The following ALG11 variants were observed in gnomAD, a reference collection of about 807,000 sequenced individuals.
The protein encoded by ALG11 is ALG11 alpha-1,2-mannosyltransferase, also known as GDP-Man:Man(3)GlcNAc(2)-PP-Dol alpha-1,2-mannosyltransferase.
A neutral mutation model predicts 38.8 loss-of-function variants in ALG11; 26 were observed. The ratio of observed to expected loss-of-function variants is 0.67; its 90% confidence interval spans 0.49 to 0.93. The LOEUF (loss-of-function observed/expected upper bound fraction) is 0.93, where lower values mean the gene tolerates loss of function less well. Among genes scored for constraint, ALG11 ranks in the 40% least tolerant of loss-of-function variants. The pLI is 0.00. For synonymous variants in ALG11, 199 were observed against 211.6 expected (o/e 0.94, Z 0.52); for missense variants, 535 against 578.8 (o/e 0.92, Z 0.78).
rs1954268834 is a variant in ALG11, at chr13:52,028,903, G to A, written c.*313G>A. 2 of 1,614,090 alleles carry A rather than the reference G, an allele frequency of 1.2e-6. No individual in the cohort carries two copies. Among genetic ancestry groups the A allele is most frequent in the African/African-American group, 1.3e-5 (1 of 74,934 alleles). ...ACCCCTTGAGTGAAAATGAAGATGA[G>A]GGGGACAGTGATGGAGAGAGAAAGC... On this transcript the variant is annotated 3_prime_UTR_variant, in exon 4 of 4. Transcript: ENST00000521508.
intron 3 of ALG11, among the ~76,000 whole-genome samples, chr13:52,027,176 G>A (rs1267956199): frequency 6.6e-6 from 1 of 152,098 alleles, no homozygotes; most frequent in Non-Finnish European, 1.5e-5. Context: ...AAAATCAAAA[G>A]TCAAGCACTC....
intron 1 of ALG11, among the ~76,000 whole-genome samples, chr13:52,014,551 A>G (rs2140827673): frequency 6.8e-6 from 1 of 147,166 alleles, no homozygotes; most frequent in South Asian, 2.2e-4. Context: ...TTTTTTTTTT[A>G]GAGATAAGAG....
At chr13:52,013,149 C>T (rs1411577567) in intron 1 of ALG11, among the ~76,000 whole-genome samples, 1 of 152,130 alleles carries the variant, frequency 6.6e-6, no homozygotes, top group African/African-American at 2.4e-5. Context: ...TTTTTTCCAC[C>T]TTTGTTGTTG....
chr13:52,028,643 A>T lies in ALG11; in HGVS notation c.*53A>T. Reference sequence around the variant, plus strand: ...TTATATAAACTGGTTAAACACCTTCATATGTAAATATTTTTCTAAATTCAA... The same window carrying T: ...TTATATAAACTGGTTAAACACCTTCTTATGTAAATATTTTTCTAAATTCAA... On this transcript the variant is annotated 3_prime_UTR_variant, in exon 4 of 4. Coordinates refer to ENST00000521508, the MANE Select transcript of ALG11 (RefSeq NM_001004127.3). 6.4e-7 allele frequency: 1 copy of T among 1,566,524 alleles called. No individual in the cohort carries two copies. Among genetic ancestry groups the T allele is most frequent in the Non-Finnish European group, 8.7e-7 (1 of 1,143,924 alleles).
intron 1 of ALG11, among the ~76,000 whole-genome samples, chr13:52,015,386 T>G (rs1474021055): frequency 1.3e-5 from 2 of 152,164 alleles, no homozygotes; most frequent in African/African-American, 4.8e-5. Flanking sequence ...TCAGCCTGGG[T>G]GACAGAGTGA....
Position 52,024,317 on chromosome 13 carries a change from A to G in ALG11, c.587A>G (p.Tyr196Cys), listed in dbSNP as rs1392680216. ...KYIGGCQVGS[Y>C]VHYPTISTDM... is the part of the protein sequence containing the mutation. Reference sequence around the variant, plus strand: ...ATAGGGGGTTGCCAAGTTGGAAGCTATGTTCATTATCCTACTATCAGCACC... The same window carrying G: ...ATAGGGGGTTGCCAAGTTGGAAGCTGTGTTCATTATCCTACTATCAGCACC... The change falls in exon 3 of 4, where the codon TAT becomes TGT. Residue 196 changes from tyrosine (Y) to cysteine (C), a missense_variant. Physicochemically the swap from Tyr to Cys is radical, Grantham distance 194. Coordinates refer to ENST00000521508, the MANE Select transcript of ALG11 (RefSeq NM_001004127.3). 6.2e-7 allele frequency: 1 copy of G among 1,614,152 alleles called. No individual in the cohort carries two copies. The highest frequency in any genetic ancestry group is 1.1e-5 in the South Asian group (1 of 91,084).
In ALG11 at chr13:52,030,966, T is replaced by A. The variant is rs906249031; in HGVS notation, c.*2376T>A. On this transcript the variant is annotated 3_prime_UTR_variant, in exon 4 of 4. Coordinates refer to ENST00000521508, the MANE Select transcript of ALG11 (RefSeq NM_001004127.3). ...CAAAAGCTGACTACTCCCAAGGTCGTCACCAAGCCAGGCCATATCATTAAG... is the reference window on the plus strand; with the variant it reads ...CAAAAGCTGACTACTCCCAAGGTCGACACCAAGCCAGGCCATATCATTAAG... The A allele has an allele frequency of 6.2e-7, 1 of 1,614,002 alleles. No homozygotes were observed. The highest frequency in any genetic ancestry group is 1.3e-5 in the African/African-American group (1 of 74,882).
chr13:52,025,550 T>G (rs1057098195), intron 3 of ALG11, among the ~76,000 whole-genome samples: 2 of 152,254 alleles, frequency 1.3e-5, no homozygotes, highest in Admixed American at 1.3e-4. Flanking sequence ...TAGTCTTTTA[T>G]TGATTCTACC....
intron 1 of ALG11, among the ~76,000 whole-genome samples, chr13:52,015,036 G>A (rs1343339221): frequency 6.6e-6 from 1 of 152,042 alleles, no homozygotes; most frequent in Non-Finnish European, 1.5e-5. Flanking sequence ...GTTCACAATA[G>A]GAACAAATGA....
At position 52,020,896 on chromosome 13, in the gene ALG11, A is replaced by G. The variant is rs1954178526; in HGVS notation, c.275+1753A>G. ...CTTTTTCTCCCCAGTTAATTTCTACAAGCCTTTCCTAACTCAACACATACT... is the reference window on the plus strand; with the variant it reads ...CTTTTTCTCCCCAGTTAATTTCTACGAGCCTTTCCTAACTCAACACATACT... On this transcript the variant is annotated intron_variant, in intron 2 of 3. Transcript: ENST00000521508. The G allele has an allele frequency of 2.0e-5, 3 of 152,206 alleles. No individual in the cohort carries two copies. In the South Asian group the frequency reaches 6.2e-4, roughly 32 times the overall value. The allele number at this position is 152,206 out of a possible 1,614,324, so 9.4% of individuals were successfully genotyped here.
chr13:52,014,697 A>G (rs1412251426), intron 1 of ALG11, among the ~76,000 whole-genome samples: 2 of 152,032 alleles, frequency 1.3e-5, no homozygotes, highest in Admixed American at 1.3e-4. Context: ...ACCATGCCCA[A>G]CTGATAATTT....
At chr13:52,020,194 C>A (rs1271146396) in intron 2 of ALG11, among the ~76,000 whole-genome samples, 1 of 152,080 alleles carries the variant, frequency 6.6e-6, no homozygotes, top group Non-Finnish European at 1.5e-5. Flanking sequence ...CTCAACTTAC[C>A]ATGTTAGAAG....
intron 3 of ALG11, among the ~76,000 whole-genome samples, chr13:52,025,292 G>C (rs1458265185): frequency 6.6e-6 from 1 of 152,172 alleles, no homozygotes; most frequent in East Asian, 1.9e-4. Flanking sequence ...ACAGTAAGTG[G>C]TAGAGCCCGG....
At chr13:52,025,982 G>A (rs1031413712) in intron 3 of ALG11, among the ~76,000 whole-genome samples, 7 of 152,214 alleles carry the variant, frequency 4.6e-5, no homozygotes, top group Admixed American at 3.3e-4. Flanking sequence ...TCTGCTGAGC[G>A]CTTGGGTGGA....
At position 52,030,808 on chromosome 13, in the gene ALG11, C is replaced by T. The variant is rs1165054343; in HGVS notation, c.*2218C>T. 6.2e-7 allele frequency: 1 copy of T among 1,614,186 alleles called. No individual in the cohort carries two copies. Among genetic ancestry groups the T allele is most frequent in the South Asian group, 1.1e-5 (1 of 91,078 alleles). ...ATAAGAATTTGCCAAATGTGATTAT[C>T]AGTGAGAAGCGCAACATCCACGCAG... On this transcript the variant is annotated 3_prime_UTR_variant, in exon 4 of 4. Transcript: ENST00000521508.
Position 52,024,417 on chromosome 13 carries a change from C to A in ALG11, c.687C>A (p.Leu229=). 4 of 1,613,528 alleles carry A rather than the reference C, an allele frequency of 2.5e-6. No homozygotes were observed. The South Asian group carries it at 4.4e-5, about 18-fold the overall frequency. Residue 229 remains leucine (L), a synonymous_variant, in exon 3 of 4, where the codon CTC becomes CTA. Transcript: ENST00000521508. ...CCTTCATTACCAGGAATCCTTTTCT[C>A]AGCAAAGTAAAGCTCATCTACTACT... The part of the protein sequence containing the change: ...NAAFITRNPF[L]SKVKLIYYYL...
intron 1 of ALG11, chr13:52,017,697 TA>T (rs1954145994): frequency 6.5e-6 from 1 of 154,544 alleles, no homozygotes; most frequent in Non-Finnish European, 1.4e-5. Context: ...TAAGTCCAAT[TA>T]AATCTCTTTT....
At position 52,024,580 on chromosome 13, in the gene ALG11, G is replaced by A. The variant is rs1485966589; in HGVS notation, c.850G>A (p.Val284Met). Residue 284 changes from valine (V) to methionine (M), a missense_variant, in exon 3 of 4, where the codon GTG becomes ATG. Val to Met is a conservative substitution (Grantham distance 21). Transcript: ENST00000521508. The stretch of plus-strand genomic sequence containing the variant: ...TAACATTGTTTATCCACCTTGTGAT[G>A]TGCAGACATTTCTGGACATTCCCTT... ...CTNIVYPPCD[V>M]QTFLDIPLHE... 2.5e-6 allele frequency: 4 copies of A among 1,614,042 alleles called. No homozygotes were observed. Among genetic ancestry groups the A allele is most frequent in the Non-Finnish European group, 3.4e-6 (4 of 1,180,038 alleles).
At chr13:52,020,452 T>A (rs1954174640) in intron 2 of ALG11, 1 of 152,196 alleles carries the variant, frequency 6.6e-6, no homozygotes, top group Admixed American at 6.5e-5. Flanking sequence ...CATCCTAGCT[T>A]CCAGGCCCTA....
Sources: gnomAD v4.1 joint callset for allele counts (sites outside exome capture counted in the v4.1 genomes callset) on GRCh38, gnomAD v4.1.1 for gene constraint, MANE v1.5 for transcripts, NCBI Gene and HGNC (gene_info 2026-07-23, HGNC 2026-07-21) for gene names.